The following BRSK2 variants were observed in gnomAD, a reference collection of about 807,000 sequenced individuals.
BRSK2 encodes serine/threonine-protein kinase BRSK2.
Under a neutral mutation model 83.3 loss-of-function variants are expected in BRSK2, and 19 were observed. The observed-to-expected ratio is 0.23, with a 90% CI of 0.16 to 0.33. The LOEUF (loss-of-function observed/expected upper bound fraction) is 0.33. Among genes scored for constraint, BRSK2 ranks in the 10% least tolerant of loss-of-function variants. The pLI is 1.00. For missense variants in BRSK2, 798 were observed against 1,042.3 expected (o/e 0.77, Z 3.23); for synonymous variants, 519 against 435.4 (o/e 1.19, Z -2.39).
At position 1,438,704 on chromosome 11, in the gene BRSK2, C is replaced by G. The variant is rs547503711; in HGVS notation, c.272+313C>G. The stretch of plus-strand genomic sequence containing the variant: ...GTTTCAGGGCAAGGGGCAGGAGCAC[C>G]TGGCCCTCCCCACATGGCCACGCTG... On this transcript the variant is annotated intron_variant, in intron 3 of 19. Coordinates refer to ENST00000528841, the MANE Select transcript of BRSK2 (RefSeq NM_001256627.2). This position sits in a 1 kb window ranked among gnomAD's most constrained non-coding sequence, Gnocchi z 6.4. Among the ~76,000 whole-genome samples the G allele has an allele frequency of 6.6e-6, 1 of 152,112 alleles. No individual in the cohort carries two copies. Among genetic ancestry groups the G allele is most frequent in the African/African-American group, 2.4e-5 (1 of 41,428 alleles).
chr11:1,394,682 G>GC (rs757197878), intron 1 of BRSK2, among the ~76,000 whole-genome samples: 2 of 133,620 alleles, frequency 1.5e-5, no homozygotes, highest in Non-Finnish European at 3.2e-5. Flanking sequence ...CTGGAGATGG[G>GC]TCCTGGAGAT....
chr11:1,458,997 C>T (rs778162655), intron 18 of BRSK2, among the ~76,000 whole-genome samples, 195 bp from the exon 19 acceptor site: 41 of 152,272 alleles, frequency 2.7e-4, no homozygotes, highest in Non-Finnish European at 5.1e-4. Context: ...TCACTCCAGG[C>T]CCTGCCCCTG....
chr11:1,447,882 C>G (rs200223751), intron 12 of BRSK2: 2 of 1,586,312 alleles, frequency 1.3e-6, no homozygotes, highest in Non-Finnish European at 1.7e-6. Flanking sequence ...CCCGACCACC[C>G]GTCCCCGCAC....
rs1446131716 is a variant in BRSK2 at position 1,449,976 on chromosome 11, G to A, written c.1287+140G>A. The stretch of plus-strand genomic sequence containing the variant: ...CCCCCATGCCCACGCTCCTGTGGCG[G>A]CTGCTGCTCTGTGGCGCAGGCTGCT... On this transcript the variant is annotated intron_variant, in intron 13 of 19. Transcript: ENST00000528841. 9.8e-6 allele frequency: 6 copies of A among 614,356 alleles called. No homozygotes were observed. The Admixed American group carries it at 1.1e-4, about 12-fold the overall frequency. 38.1% of individuals were successfully genotyped at this position (614,356 alleles called of 1,614,324 possible). A position where few individuals can be genotyped will look rare whatever the true frequency, so the allele number is the denominator to read the frequency against.
chr11:1,437,724 C>G (rs541268599), intron 2 of BRSK2, among the ~76,000 whole-genome samples: 4 of 152,226 alleles, frequency 2.6e-5, no homozygotes, highest in African/African-American at 7.2e-5. Flanking sequence ...AGGCCTCCAC[C>G]GTAAGGAAGG....
rs144115216 is a variant in BRSK2 at position 1,427,588 on chromosome 11, C to T, written c.92-8452C>T. 2.5e-3 allele frequency among the ~76,000 whole-genome samples: 374 copies of T among 152,358 alleles called. 3 individuals carry two copies. Among genetic ancestry groups the T allele is most frequent in the African/African-American group, 8.8e-3 (364 of 41,584 alleles). Reference sequence around the variant, plus strand: ...ACTCTTGGGCACCCGCCGGCACACGCTCCCACAGAAATGGGGCCTGGCGTG... The same window carrying T: ...ACTCTTGGGCACCCGCCGGCACACGTTCCCACAGAAATGGGGCCTGGCGTG... On this transcript the variant is annotated intron_variant, in intron 1 of 19. Coordinates refer to ENST00000528841, the MANE Select transcript of BRSK2 (RefSeq NM_001256627.2).
At chr11:1,456,779 G>A (rs1846611659) in intron 18 of BRSK2, 92 bp downstream of exon 18, 25 of 1,389,572 alleles carry the variant, frequency 1.8e-5, no homozygotes, top group East Asian at 1.0e-4. Flanking sequence ...GGACCCGGGC[G>A]CAGCCTCCTG....
At chr11:1,437,422 G>A (rs1257159202) in intron 2 of BRSK2, among the ~76,000 whole-genome samples, 1 of 152,206 alleles carries the variant, frequency 6.6e-6, no homozygotes, top group Non-Finnish European at 1.5e-5. Context: ...CCACTTCTTT[G>A]TGCTGGGCGG....
chr11:1,458,553 C>T (rs879411922), intron 18 of BRSK2, among the ~76,000 whole-genome samples: 5 of 152,148 alleles, frequency 3.3e-5, no homozygotes, highest in African/African-American at 4.8e-5. Context: ...TCAGACACTG[C>T]CCACCCCCCC....
At chr11:1,411,947 T>C (rs920951561) in intron 1 of BRSK2, among the ~76,000 whole-genome samples, 1 of 152,194 alleles carries the variant, frequency 6.6e-6, no homozygotes, top group African/African-American at 2.4e-5. Flanking sequence ...GTCACCAGCC[T>C]TAACAGCAGT....
chr11:1,459,099 C>T (rs960003228), intron 18 of BRSK2, 93 bp from the exon 19 acceptor site: 2 of 1,318,282 alleles, frequency 1.5e-6, no homozygotes, highest in Admixed American at 1.7e-5. Flanking sequence ...CCTGGCTCCA[C>T]CCCCTCCCCA....
chr11:1,439,465 G>C lies in BRSK2; in HGVS notation c.272+1074G>C, dbSNP rs1031277999. On this transcript the variant is annotated intron_variant, in intron 3 of 19. Transcript: ENST00000528841. Reference sequence around the variant, plus strand: ...TGCTGGCAAGGTGGACTGTGACAAGGGGCATGGCTTCCTCATGGTGACACG... The same window carrying C: ...TGCTGGCAAGGTGGACTGTGACAAGCGGCATGGCTTCCTCATGGTGACACG... Among the ~76,000 whole-genome samples the C allele has an allele frequency of 4.6e-5, 7 of 151,876 alleles. No homozygotes were observed. The South Asian group carries it at 6.2e-4, about 14-fold the overall frequency.
At chr11:1,455,318 TCCCCCACCGCCC>T (rs1846363055) in intron 16 of BRSK2, among the ~76,000 whole-genome samples, 1 of 41,568 alleles carries the variant, frequency 2.4e-5, no homozygotes, top group South Asian at 1.2e-3. Context: ...CCCACCCGCC[TCCCCCACCGCCC>T]CCAGCCTGCC....
rs1317629579 is a variant in BRSK2 at position 1,460,113 on chromosome 11, C to T, written c.1988-387C>T. On this transcript the variant is annotated intron_variant, in intron 19 of 19. Coordinates refer to ENST00000528841, the MANE Select transcript of BRSK2 (RefSeq NM_001256627.2). ...GGAGGGAAGGGGGGTGGGGCAGGGC[C>T]TTCCGGGCCAGGCCTTGGTGGGGAG... Among the ~76,000 whole-genome samples, 3 of 146,792 alleles carry T rather than the reference C, an allele frequency of 2.0e-5. No individual in the cohort carries two copies. The East Asian group carries it at 6.1e-4, about 30-fold the overall frequency.
At chr11:1,412,934 C>T (rs1272378786) in intron 1 of BRSK2, among the ~76,000 whole-genome samples, 1 of 152,208 alleles carries the variant, frequency 6.6e-6, no homozygotes, top group African/African-American at 2.4e-5. Context: ...CATGGCCTCC[C>T]ACCGTGCACG....
At chr11:1,451,324 A>T (rs1245398586) in intron 14 of BRSK2, 47 bp from the exon 15 acceptor site, 2 of 1,610,062 alleles carry the variant, frequency 1.2e-6, no homozygotes, top group African/African-American at 1.3e-5. Context: ...CAGGGGAAGG[A>T]TGGAGCGGTC....
At chr11:1,428,493 G>A (rs971926213) in intron 1 of BRSK2, among the ~76,000 whole-genome samples, 5 of 152,216 alleles carry the variant, frequency 3.3e-5, no homozygotes, top group African/African-American at 7.2e-5. Context: ...GTGAAATAGG[G>A]GTGAAGGGGC....
chr11:1,424,601 C>T (rs923027508), intron 1 of BRSK2, among the ~76,000 whole-genome samples: 10 of 152,214 alleles, frequency 6.6e-5, no homozygotes, highest in South Asian at 2.1e-4. Context: ...CCCGGCAGGA[C>T]GGGACAGCCA....
In BRSK2 at chr11:1,461,989, CA is replaced by C. The variant is rs901468765; in HGVS notation, c.*1268del. ...CCAGCGCCCCTCTGTCAGGCTGGGG[CA>C]ATCTTGGTTTTGTGTCCAAAGGTGA... On this transcript the variant is annotated 3_prime_UTR_variant, in exon 20 of 20. Transcript: ENST00000528841. 1 of 152,084 alleles carries C rather than the reference CA, an allele frequency of 6.6e-6. No individual in the cohort carries two copies. Among genetic ancestry groups the C allele is most frequent in the African/African-American group, 2.4e-5 (1 of 41,400 alleles). 9.4% of individuals were successfully genotyped at this position (152,084 alleles called of 1,614,324 possible). A position where few individuals can be genotyped will look rare whatever the true frequency, so the allele number is the denominator to read the frequency against.
Sources: gnomAD v4.1 joint callset for allele counts (sites outside exome capture counted in the v4.1 genomes callset) on GRCh38, gnomAD v4.1.1 for gene constraint, Gnocchi (gnomAD v3.1) non-coding constraint, MANE v1.5 for transcripts, NCBI Gene and HGNC (gene_info 2026-07-23, HGNC 2026-07-21) for gene names.